Variants in QTGAL observed in about 807,000 individuals in gnomAD.
QTGAL encodes the protein BGnT-like protein 1.
At chr17:82,986,583 G>A in the QTGAL span, among the ~76,000 whole-genome samples, 1 of 152,248 alleles carries the variant, frequency 6.6e-6, no homozygotes, top group African/African-American at 2.4e-5. Context: ...GACACAGGAT[G>A]TTATGGAATA....
chr17:82,955,115 T>C, the QTGAL span, among the ~76,000 whole-genome samples: 3 of 152,100 alleles, frequency 2.0e-5, no homozygotes, highest in South Asian at 6.2e-4. Flanking sequence ...GAAGCCAAAA[T>C]TGACAAATGG....
At chr17:83,051,593 G>A in the QTGAL span, 14 of 848,172 alleles carry the variant, frequency 1.7e-5, no homozygotes, top group South Asian at 2.4e-5. Context: ...GGGCCTAAGG[G>A]CTGCTCAGGG....
the QTGAL span, chr17:83,011,466 A>G: frequency 6.6e-6 from 1 of 152,248 alleles, no homozygotes; most frequent in African/African-American, 2.4e-5. Flanking sequence ...TCTCAGGACA[A>G]ACTACACAAT....
At chr17:82,961,155 G>C in the QTGAL span, 1 of 1,608,194 alleles carries the variant, frequency 6.2e-7, no homozygotes, top group Non-Finnish European at 8.5e-7. Flanking sequence ...GGTGCTCGTA[G>C]AAGAACAGCA....
the QTGAL span, among the ~76,000 whole-genome samples, chr17:82,950,704 G>A: frequency 2.0e-5 from 3 of 152,224 alleles, no homozygotes; most frequent in Non-Finnish European, 2.9e-5. Context: ...TCTGCAGAAC[G>A]GATGCTGTGT....
chr17:82,944,780 C>T, the QTGAL span: 5 of 152,326 alleles, frequency 3.3e-5, no homozygotes, highest in East Asian at 7.7e-4. Flanking sequence ...CTGAGGGTTT[C>T]TGCTGAGCCC....
chr17:82,960,994 C>A, the QTGAL span: 1 of 1,550,954 alleles, frequency 6.4e-7, no homozygotes. Context: ...CCGGCCCCGA[C>A]CTCGGGCGCC....
At chr17:82,944,827 TGA>T in the QTGAL span, 1 of 152,156 alleles carries the variant, frequency 6.6e-6, no homozygotes, top group African/African-American at 2.4e-5. Context: ...GCAGAATGGA[TGA>T]GAGAATTTAA....
chr17:83,051,005 TG>T, the QTGAL span, among the ~76,000 whole-genome samples: 3 of 140,918 alleles, frequency 2.1e-5, no homozygotes, highest in Non-Finnish European at 3.1e-5. Context: ...CGAGGTTGTG[TG>T]GGGGCACACG....
the QTGAL span, among the ~76,000 whole-genome samples, chr17:83,016,910 C>T: frequency 2.6e-5 from 4 of 152,280 alleles, no homozygotes; most frequent in Non-Finnish European, 4.4e-5. Flanking sequence ...CCTTCAAACA[C>T]GGGACCCTCA....
the QTGAL span, among the ~76,000 whole-genome samples, chr17:83,037,587 T>C: frequency 1.3e-5 from 2 of 152,164 alleles, no homozygotes; most frequent in Non-Finnish European, 2.9e-5. The surrounding 1 kb of genome is among the most constrained non-coding windows in gnomAD (Gnocchi z 5.2). Context: ...CAGCCAAGCC[T>C]CCATCATCGC....
chr17:82,948,365 T>G, the QTGAL span: 2 of 152,280 alleles, frequency 1.3e-5, no homozygotes, highest in Non-Finnish European at 2.9e-5. Flanking sequence ...ACCCACGACC[T>G]GCCTTCCACT....
chr17:82,949,313 G>A, the QTGAL span: 1 of 152,198 alleles, frequency 6.6e-6, no homozygotes, highest in African/African-American at 2.4e-5. Flanking sequence ...TTAAACAGCA[G>A]ATGATTAAAA....
chr17:83,033,541 G>A, the QTGAL span, among the ~76,000 whole-genome samples: 9 of 149,918 alleles, frequency 6.0e-5, no homozygotes, highest in African/African-American at 9.9e-5. Context: ...GCGTGATCTC[G>A]GCTCACTGCA....
chr17:83,009,977 A>G, the QTGAL span, among the ~76,000 whole-genome samples: 4 of 119,600 alleles, frequency 3.3e-5, no homozygotes, highest in East Asian at 2.8e-4. Flanking sequence ...CTGTGGGGGA[A>G]GGGAGCTGTG....
chr17:83,026,645 A>G, the QTGAL span, among the ~76,000 whole-genome samples: 1 of 150,532 alleles, frequency 6.6e-6, no homozygotes, highest in African/African-American at 2.4e-5. Flanking sequence ...GCCTGCAGAC[A>G]AACCCACCCT....
the QTGAL span, among the ~76,000 whole-genome samples, chr17:83,030,541 C>T: frequency 6.6e-6 from 1 of 152,188 alleles, no homozygotes; most frequent in African/African-American, 2.4e-5. Flanking sequence ...GTCTGGGGCA[C>T]GGCTACAGCC....
At chr17:83,040,014 C>T in the QTGAL span, among the ~76,000 whole-genome samples, 30,776 of 152,056 alleles carry the variant, frequency 0.2, 3,263 homozygotes, top group Non-Finnish European at 0.24. Flanking sequence ...TGAAATACGT[C>T]ATAGCTGTAA....
the QTGAL span, among the ~76,000 whole-genome samples, chr17:83,028,344 GAAACCCCGTCTCTACTA>G: frequency 6.6e-6 from 1 of 151,050 alleles, no homozygotes; most frequent in Non-Finnish European, 1.5e-5. Flanking sequence ...CTAACACGGT[GAAACCCCGTCTCTACTA>G]AAAATACAAA....
Sources: allele counts gnomAD v4.1 joint callset (sites outside exome capture counted in the v4.1 genomes callset), GRCh38; gene constraint gnomAD v4.1.1; non-coding constraint Gnocchi (gnomAD v3.1); transcripts MANE v1.5; gene names NCBI Gene and HGNC (gene_info 2026-07-23, HGNC 2026-07-21).